Variants in SLC35B3 observed in about 807,000 individuals in gnomAD.
The protein encoded by SLC35B3 is solute carrier family 35 member B3.
A neutral mutation model predicts 44.1 loss-of-function variants in SLC35B3; 35 were observed. The observed-to-expected ratio is 0.79, with a 90% CI of 0.61 to 1.05. The LOEUF (loss-of-function observed/expected upper bound fraction) is 1.05. Ranked by LOEUF, SLC35B3 falls within the 50% of genes least tolerant of loss-of-function variation. The probability of loss-of-function intolerance (pLI) is 0.00; values close to 1 mark genes in which losing one functional copy is unlikely to be tolerated. For synonymous variants in SLC35B3, 146 were observed against 167.3 expected, an observed-to-expected ratio of 0.87 and a Z score of 0.98; for missense variants, 414 against 476.4, an observed-to-expected ratio of 0.87 and a Z score of 1.22.
intron 4 of SLC35B3, among the ~76,000 whole-genome samples, chr6:8,423,018 C>T (rs1043148057): frequency 6.6e-6 from 1 of 151,844 alleles, no homozygotes; most frequent in Non-Finnish European, 1.5e-5. Context: ...GATAAGGTCT[C>T]GCTCTGTTGC....
chr6:8,420,394 AATT>A lies in SLC35B3; in HGVS notation c.682+324_682+326del, dbSNP rs1442998863. On this transcript the variant is annotated intron_variant, in intron 6 of 10. Coordinates refer to ENST00000644923, the MANE Select transcript of SLC35B3 (RefSeq NM_001370476.2). The surrounding 1 kb of genome is among the most constrained non-coding windows in gnomAD (Gnocchi z 4.4). ...CAGTTAACTCAGTTTTCACAAAAAC[AATT>A]ATTTGTTCATATTCATTTTTGAATA... 1.3e-5 allele frequency among the ~76,000 whole-genome samples: 2 copies of A among 152,232 alleles called. No individual in the cohort carries two copies. The highest frequency in any genetic ancestry group is 2.9e-5 in the Non-Finnish European group (2 of 68,032).
chr6:8,429,749 T>A, intron 3 of SLC35B3, 115 bp downstream of exon 2: 1 of 723,882 alleles, frequency 1.4e-6, no homozygotes, highest in Non-Finnish European at 2.2e-6. Flanking sequence ...AAAATTCAAA[T>A]TTATGAATCA....
rs535159614 is a variant in SLC35B3, at chr6:8,428,489, A to T, written c.298-431T>A. Among the ~76,000 whole-genome samples, 3 of 150,460 alleles carry T rather than the reference A, an allele frequency of 2.0e-5. No homozygotes were observed. In the East Asian group the frequency reaches 5.8e-4, roughly 29 times the overall value. On this transcript the variant is annotated intron_variant, in intron 3 of 10. Coordinates refer to ENST00000644923, the MANE Select transcript of SLC35B3 (RefSeq NM_001370476.2). ...AAAAACACTTCATTACCAAACCCCA[A>T]CCATTTTCTCTGAACTATTTTGATA...
intron 4 of SLC35B3, among the ~76,000 whole-genome samples, chr6:8,427,571 C>T (rs1295733344): frequency 3.9e-5 from 6 of 152,246 alleles, no homozygotes; most frequent in African/African-American, 9.6e-5. Context: ...TTAGGATGCT[C>T]AACCTGTACT....
At chr6:8,426,543 T>C (rs1763427867) in intron 4 of SLC35B3, among the ~76,000 whole-genome samples, 1 of 152,168 alleles carries the variant, frequency 6.6e-6, no homozygotes, top group African/African-American at 2.4e-5. Context: ...TTCCTCATTT[T>C]CTCTTGCCAC....
At position 8,435,151 on chromosome 6, in the gene SLC35B3, G is replaced by C. The variant is rs995849429; in HGVS notation, c.-44+192C>G. ...GGCGAAAAACGGGCGAGGAGGAACA[G>C]ATGCTCCTCCCTGGAAACCGCCCGG... On this transcript the variant is annotated intron_variant, in intron 1 of 10. Coordinates refer to ENST00000644923, the MANE Select transcript of SLC35B3 (RefSeq NM_001370476.2). This position sits in a 1 kb window ranked among gnomAD's most constrained non-coding sequence, Gnocchi z 5.5. 7 of 1,283,692 alleles carry C rather than the reference G, an allele frequency of 5.5e-6. No individual in the cohort carries two copies. The African/African-American group carries it at 9.1e-5, about 17-fold the overall frequency. The allele number at this position is 1,283,692 out of a possible 1,614,324, so 79.5% of individuals were successfully genotyped here.
At chr6:8,423,535 A>G (rs1763132728) in intron 4 of SLC35B3, among the ~76,000 whole-genome samples, 1 of 152,228 alleles carries the variant, frequency 6.6e-6, no homozygotes, top group African/African-American at 2.4e-5. Context: ...CTTTGACTAG[A>G]TATTTAATGG....
rs141078929 is a variant in SLC35B3, at chr6:8,421,031, C to T, written c.575-203G>A. Reference sequence around the variant, plus strand: ...GCAATATGTCCCTGTAAGTTAGAAACGAGAGCTACTTTATCTGGTATAATA... The same window carrying T: ...GCAATATGTCCCTGTAAGTTAGAAATGAGAGCTACTTTATCTGGTATAATA... On this transcript the variant is annotated intron_variant, in intron 5 of 10. Transcript: ENST00000644923. 9.9e-4 allele frequency among the ~76,000 whole-genome samples: 150 copies of T among 152,210 alleles called. 1 individual carries two copies. Among genetic ancestry groups the T allele is most frequent in the African/African-American group, 3.4e-3 (142 of 41,514 alleles).
At chr6:8,426,823 G>C (rs1763459745) in intron 4 of SLC35B3, among the ~76,000 whole-genome samples, 1 of 152,148 alleles carries the variant, frequency 6.6e-6, no homozygotes. Context: ...GAAAATGTAG[G>C]ACAGTTTGGA....
chr6:8,412,610 C>T lies in SLC35B3; in HGVS notation c.*939G>A, dbSNP rs1762090939. On this transcript the variant is annotated 3_prime_UTR_variant, in exon 11 of 11. Transcript: ENST00000644923. ...ACATAAAACTTAAAGCATGTCTTCT[C>T]TAAATCAGTGGTCCCCAACCCTTTT... Among the ~76,000 whole-genome samples the T allele has an allele frequency of 6.6e-6, 1 of 152,120 alleles. No individual in the cohort carries two copies. Among genetic ancestry groups the T allele is most frequent in the Non-Finnish European group, 1.5e-5 (1 of 68,024 alleles).
Position 8,420,584 on chromosome 6 carries a change from G to A in SLC35B3, c.682+137C>T, listed in dbSNP as rs1031394873. ...GTGATATTTTCACTACATCTTATAT[G>A]GAAAGTCCAAAAGCTTTATGTTAGA... On this transcript the variant is annotated intron_variant, in intron 6 of 10. Transcript: ENST00000644923. This position sits in a 1 kb window ranked among gnomAD's most constrained non-coding sequence, Gnocchi z 4.4. The A allele has an allele frequency of 2.1e-5, 12 of 581,882 alleles. No homozygotes were observed. The highest frequency in any genetic ancestry group is 3.4e-5 in the Non-Finnish European group (11 of 327,194). 36.0% of individuals were successfully genotyped at this position (581,882 alleles called of 1,614,324 possible). A position where few individuals can be genotyped will look rare whatever the true frequency, so the allele number is the denominator to read the frequency against.
rs1764055151 is a variant in SLC35B3 at position 8,432,217 on chromosome 6, G to T, written c.4-2060C>A. On this transcript the variant is annotated intron_variant, in intron 2 of 10. Transcript: ENST00000644923. This position sits in a 1 kb window ranked among gnomAD's most constrained non-coding sequence, Gnocchi z 4.8. ...CTTGCAATCACTCACCTTCTGCTTG[G>T]ATACGATTTTTGAAATGGATGGTGG... Among the ~76,000 whole-genome samples, 1 of 151,798 alleles carries T rather than the reference G, an allele frequency of 6.6e-6. No individual in the cohort carries two copies. The highest frequency in any genetic ancestry group is 1.5e-5 in the Non-Finnish European group (1 of 67,986).
At position 8,433,951 on chromosome 6, in the gene SLC35B3, G is replaced by A. The variant is rs1764230433; in HGVS notation, c.3+434C>T. Among the ~76,000 whole-genome samples, 1 of 145,228 alleles carries A rather than the reference G, an allele frequency of 6.9e-6. No individual in the cohort carries two copies. The highest frequency in any genetic ancestry group is 2.2e-4 in the South Asian group (1 of 4,626). The stretch of plus-strand genomic sequence containing the variant: ...TTGTGATGCAAGGAGCAAAAATGAA[G>A]CATGGAATTAAAATTAGTTTTCAGA... On this transcript the variant is annotated intron_variant, in intron 2 of 10. Transcript: ENST00000644923. The surrounding 1 kb of genome is among the most constrained non-coding windows in gnomAD (Gnocchi z 4.1).
At chr6:8,414,626 C>A (rs1762249770) in intron 10 of SLC35B3, among the ~76,000 whole-genome samples, 1 of 152,122 alleles carries the variant, frequency 6.6e-6, no homozygotes, top group Non-Finnish European at 1.5e-5. Context: ...CACATTTGCA[C>A]TGGACTCTGG....
At chr6:8,426,588 G>A (rs957726602) in intron 4 of SLC35B3, among the ~76,000 whole-genome samples, 5 of 152,132 alleles carry the variant, frequency 3.3e-5, no homozygotes, top group African/African-American at 1.2e-4. Context: ...CTCCTGCCAT[G>A]ATTCTGAGGC....
chr6:8,417,363 A>T (rs1308050168), intron 8 of SLC35B3, 39 bp downstream of exon 7: 1 of 1,286,326 alleles, frequency 7.8e-7, no homozygotes, highest in Non-Finnish European at 1.1e-6. Context: ...AAAATTATTT[A>T]ACAGAAGATT....
At chr6:8,425,889 T>C (rs965331976) in intron 4 of SLC35B3, among the ~76,000 whole-genome samples, 1 of 152,240 alleles carries the variant, frequency 6.6e-6, no homozygotes, top group African/African-American at 2.4e-5. Flanking sequence ...CTGTTTATAA[T>C]CAGAGACTAA....
chr6:8,425,533 A>G (rs1055307167), intron 4 of SLC35B3, among the ~76,000 whole-genome samples: 1 of 152,134 alleles, frequency 6.6e-6, no homozygotes, highest in African/African-American at 2.4e-5. Context: ...CTAAGGTTCA[A>G]ATATTTTTAC....
At chr6:8,415,797 TCTC>T (rs1008937431) in intron 9 of SLC35B3, among the ~76,000 whole-genome samples, 1 of 152,144 alleles carries the variant, frequency 6.6e-6, no homozygotes, top group Admixed American at 6.5e-5. Flanking sequence ...TGTTCCCTCT[TCTC>T]CTGCTACTAG....
Sources: allele counts gnomAD v4.1 joint callset (sites outside exome capture counted in the v4.1 genomes callset), GRCh38; gene constraint gnomAD v4.1.1; non-coding constraint Gnocchi (gnomAD v3.1); transcripts MANE v1.5; gene names NCBI Gene and HGNC (gene_info 2026-07-23, HGNC 2026-07-21).